PSD3: variants seen among roughly 807,000 people sequenced by gnomAD.
The protein encoded by PSD3 is PH and SEC7 domain-containing protein 3.
In PSD3, 49 loss-of-function variants were observed where a neutral mutation model predicts 105.5. That is an observed-to-expected ratio of 0.46 (90% CI 0.37 to 0.59). The LOEUF (loss-of-function observed/expected upper bound fraction) is 0.59, where lower values mean the gene tolerates loss of function less well. PSD3 is among the 20% of genes least tolerant of loss of function. The pLI, the probability that PSD3 is intolerant of heterozygous loss-of-function variation, is 0.00. For synonymous variants in PSD3, 557 were observed against 457.8 expected, an observed-to-expected ratio of 1.22 and a Z score of -2.77; for missense variants, 1,561 against 1,263.8, an observed-to-expected ratio of 1.24 and a Z score of -3.57.
chr8:18,666,023 G>T (rs1799430066), intron 9 of PSD3, among the ~76,000 whole-genome samples: 1 of 152,096 alleles, frequency 6.6e-6, no homozygotes. Flanking sequence ...AGGCTCCAAT[G>T]ACACACATAA....
At chr8:18,786,157 T>A (rs920058327) in intron 8 of PSD3, among the ~76,000 whole-genome samples, 2 of 152,122 alleles carry the variant, frequency 1.3e-5, no homozygotes, top group African/African-American at 4.8e-5. Flanking sequence ...TGAGTCGAGA[T>A]TGCGCCACTG....
At chr8:19,046,175 G>A (rs1450880946) in intron 1 of PSD3, among the ~76,000 whole-genome samples, 1 of 152,122 alleles carries the variant, frequency 6.6e-6, no homozygotes, top group African/African-American at 2.4e-5. Context: ...GCTGTGGCCT[G>A]ATCTCGGCTC....
At chr8:18,982,385 A>G (rs1258917056) in intron 1 of PSD3, among the ~76,000 whole-genome samples, 3 of 152,222 alleles carry the variant, frequency 2.0e-5, no homozygotes, top group Non-Finnish European at 4.4e-5. Flanking sequence ...ACTCCTGTTC[A>G]TGTTAGTATT....
chr8:18,828,349 T>C (rs2129450131), intron 4 of PSD3, among the ~76,000 whole-genome samples: 1 of 152,218 alleles, frequency 6.6e-6, no homozygotes, highest in African/African-American at 2.4e-5. Context: ...TACCTCCTTA[T>C]TAGTAATGGG....
intron 4 of PSD3, among the ~76,000 whole-genome samples, chr8:18,811,250 G>A (rs1351093373): frequency 6.6e-6 from 1 of 152,170 alleles, no homozygotes; most frequent in African/African-American, 2.4e-5. Context: ...GCAAGGAGCT[G>A]GACATGGTCA....
At chr8:18,774,668 C>A (rs1235722241) in intron 8 of PSD3, 3 of 364,188 alleles carry the variant, frequency 8.2e-6, no homozygotes, top group African/African-American at 2.1e-5. Context: ...TATTCTTGGG[C>A]CACAGATCTG....
intron 9 of PSD3, among the ~76,000 whole-genome samples, chr8:18,721,785 A>G (rs1317247734): frequency 3.9e-5 from 6 of 152,184 alleles, no homozygotes; most frequent in Admixed American, 3.9e-4. Context: ...TTTACCCAAT[A>G]AAATCCAGCC....
At chr8:18,906,257 A>G (rs1236088120) in intron 2 of PSD3, among the ~76,000 whole-genome samples, 7 of 152,072 alleles carry the variant, frequency 4.6e-5, no homozygotes, top group African/African-American at 1.7e-4. Context: ...AAGTTAAGAA[A>G]CCCTGCCTGA....
At chr8:18,989,229 T>A (rs936852981) in intron 1 of PSD3, 1 of 152,206 alleles carries the variant, frequency 6.6e-6, no homozygotes, top group African/African-American at 2.4e-5. Flanking sequence ...TAGAAGCCAT[T>A]TTTTGTTCTA....
At chr8:18,947,231 G>C (rs1180484396) in intron 1 of PSD3, among the ~76,000 whole-genome samples, 1 of 152,192 alleles carries the variant, frequency 6.6e-6, no homozygotes, top group Non-Finnish European at 1.5e-5. Flanking sequence ...TCTTTAATTT[G>C]TGAAGGTTAG....
chr8:19,063,013 CAT>C (rs781283987), intron 1 of PSD3, among the ~76,000 whole-genome samples: 3 of 152,146 alleles, frequency 2.0e-5, no homozygotes, highest in Non-Finnish European at 4.4e-5. Flanking sequence ...AATTAGAAGT[CAT>C]GTGTGAGACA....
Position 18,639,034 on chromosome 8 carries a change from C to T in PSD3, c.2217-6228G>A, listed in dbSNP as rs111557711. 5.0e-4 allele frequency among the ~76,000 whole-genome samples: 76 copies of T among 152,286 alleles called. 3 individuals carry two copies. The highest frequency in any genetic ancestry group is 1.8e-3 in the African/African-American group (74 of 41,556). On this transcript the variant is annotated intron_variant, in intron 10 of 15. Transcript: ENST00000327040. ...TGCCAGTCTGAAATCCAAACTATGA[C>T]ACCATCCCCTCTTCGATCCCTACTT...
intron 1 of PSD3, among the ~76,000 whole-genome samples, chr8:18,991,193 G>T (rs1379676341): frequency 6.6e-6 from 1 of 152,052 alleles, no homozygotes; most frequent in African/African-American, 2.4e-5. Flanking sequence ...ACCACACACT[G>T]GTTTAGATGC....
chr8:18,557,821 T>G (rs1801169651), intron 14 of PSD3, among the ~76,000 whole-genome samples: 2 of 152,248 alleles, frequency 1.3e-5, no homozygotes, highest in South Asian at 4.1e-4. Context: ...ATTTACAAGT[T>G]CTTACTCATC....
At chr8:18,814,674 A>T (rs2638661) in intron 4 of PSD3, among the ~76,000 whole-genome samples, 61,331 of 152,034 alleles carry the variant, frequency 0.4, 13,693 homozygotes, top group Middle Eastern at 0.52. Context: ...TTTAGATGCA[A>T]ACAAATGTAT....
chr8:18,899,146 T>G (rs767979762), intron 2 of PSD3, among the ~76,000 whole-genome samples: 13 of 152,176 alleles, frequency 8.5e-5, no homozygotes, highest in Non-Finnish European at 1.8e-4. Flanking sequence ...GTCTTTTTCC[T>G]CATCATCTGG....
rs565146699 is a variant in PSD3 at position 18,922,888 on chromosome 8, C to T, written c.130+13146G>A. ...GTGGGAGGGGGCAGAGAGTTCCATG[C>T]CCTCTCTGGACACACCGCCGTCCTG... is the stretch of plus-strand genomic sequence containing the variant. On this transcript the variant is annotated intron_variant, in intron 2 of 15. Transcript: ENST00000327040. Among the ~76,000 whole-genome samples the T allele has an allele frequency of 1.9e-3, 282 of 152,250 alleles. 1 individual carries two copies. The highest frequency in any genetic ancestry group is 6.8e-3 in the Middle Eastern group (2 of 292).
chr8:18,617,445 C>T lies in PSD3; in HGVS notation c.2410+15168G>A, dbSNP rs112058762. ...ACTCGGGAGGCTGAGGAAGGTGAATCGCTTGAACTTGGGAGGCGCAGGTAG... is the reference window on the plus strand; with the variant it reads ...ACTCGGGAGGCTGAGGAAGGTGAATTGCTTGAACTTGGGAGGCGCAGGTAG... On this transcript the variant is annotated intron_variant, in intron 11 of 15. Coordinates refer to ENST00000327040, the MANE Select transcript of PSD3 (RefSeq NM_015310.4). Among the ~76,000 whole-genome samples the T allele has an allele frequency of 9.7e-3, 1,469 of 152,164 alleles. 20 individuals carry two copies. Among genetic ancestry groups the T allele is most frequent in the African/African-American group, 0.033 (1,351 of 41,516 alleles).
Position 18,818,808 on chromosome 8 carries a change from A to G in PSD3, c.1635-13910T>C, listed in dbSNP as rs571948014. 3.9e-5 allele frequency among the ~76,000 whole-genome samples: 6 copies of G among 152,236 alleles called. No individual in the cohort carries two copies. The South Asian group carries it at 1.0e-3, about 26-fold the overall frequency. On this transcript the variant is annotated intron_variant, in intron 4 of 15. Coordinates refer to ENST00000327040, the MANE Select transcript of PSD3 (RefSeq NM_015310.4). ...ACAAGGCCTTTACATTTATAATCTT[A>G]TATTAGTGACAGTCAGAACCTCCTA...
Sources: allele counts gnomAD v4.1 joint callset (sites outside exome capture counted in the v4.1 genomes callset), GRCh38; gene constraint gnomAD v4.1.1; transcripts MANE v1.5; gene names NCBI Gene and HGNC (gene_info 2026-07-23, HGNC 2026-07-21).